Variants in UBE2H observed in about 807,000 individuals in gnomAD.
UBE2H encodes the protein ubiquitin-conjugating enzyme E2 H.
UBE2H carries 3 observed loss-of-function variants against 29.0 expected under a neutral mutation model. That is an observed-to-expected ratio of 0.10 (90% confidence interval 0.05 to 0.27). The LOEUF (loss-of-function observed/expected upper bound fraction) is 0.27, where lower values mean the gene tolerates loss of function less well. Among genes scored for constraint, UBE2H ranks in the 10% least tolerant of loss-of-function variants. The pLI is 1.00. For missense variants in UBE2H, 68 were observed against 228.2 expected (o/e 0.30, Z 4.52); for synonymous variants, 69 against 82.9 (o/e 0.83, Z 0.91).
At chr7:129,855,465 C>T (rs1005073223) in intron 5 of UBE2H, among the ~76,000 whole-genome samples, 4 of 152,178 alleles carry the variant, frequency 2.6e-5, no homozygotes, top group Non-Finnish European at 1.5e-5. Flanking sequence ...TAATCAAGCT[C>T]GGAGTGTATG....
intron 1 of UBE2H, among the ~76,000 whole-genome samples, chr7:129,915,877 T>C (rs1043204303): frequency 6.6e-6 from 1 of 152,212 alleles, no homozygotes; most frequent in Non-Finnish European, 1.5e-5. Context: ...GATCGTTCTT[T>C]CAATCATCAG....
At chr7:129,867,718 G>GAAAAAAAAAAAAAAAAAAA (rs1308277089) in intron 3 of UBE2H, among the ~76,000 whole-genome samples, 1 of 19,652 alleles carries the variant, frequency 5.1e-5, no homozygotes. Context: ...AAAAAAAAAA[G>GAAAAAAAAAAAAAAAAAAA]AAAACCAAAA....
chr7:129,892,195 C>CTAT (rs1458382624), intron 1 of UBE2H, among the ~76,000 whole-genome samples: 1 of 151,928 alleles, frequency 6.6e-6, no homozygotes, highest in East Asian at 1.9e-4. Context: ...GTGATCCGCC[C>CTAT]GCCTCGGCCT....
chr7:129,869,678 C>T (rs1314994544), intron 3 of UBE2H, among the ~76,000 whole-genome samples: 5 of 152,128 alleles, frequency 3.3e-5, no homozygotes, highest in Non-Finnish European at 5.9e-5. Context: ...TTCACTCACA[C>T]GAATATTCTT....
At chr7:129,898,312 C>T (rs1373781195) in intron 1 of UBE2H, among the ~76,000 whole-genome samples, 1 of 152,064 alleles carries the variant, frequency 6.6e-6, no homozygotes, top group Non-Finnish European at 1.5e-5. Flanking sequence ...AAATGATTAA[C>T]ATACAGTTAA....
chr7:129,861,723 C>T (rs1805806970), intron 3 of UBE2H, among the ~76,000 whole-genome samples: 1 of 152,176 alleles, frequency 6.6e-6, no homozygotes, highest in South Asian at 2.1e-4. Flanking sequence ...GAAACCCCAT[C>T]TGTAACGAAA....
rs780036460 is a variant in UBE2H at position 129,834,212 on chromosome 7, C to A, written c.*725G>T. 6.6e-6 allele frequency: 1 copy of A among 152,172 alleles called. No homozygotes were observed. The highest frequency in any genetic ancestry group is 1.5e-5 in the Non-Finnish European group (1 of 68,032). The allele number at this position is 152,172 out of a possible 1,614,324, so 9.4% of individuals were successfully genotyped here. On this transcript the variant is annotated 3_prime_UTR_variant, in exon 7 of 7. Transcript: ENST00000355621. ...AAACAGGTCTGGATTTCACGCTCTA[C>A]CCCAAGAAAAAGAACTGGTTCAGAA... is the stretch of plus-strand genomic sequence containing the variant.
chr7:129,852,394 G>A (rs960748970), intron 5 of UBE2H, among the ~76,000 whole-genome samples: 2 of 151,930 alleles, frequency 1.3e-5, no homozygotes, highest in South Asian at 2.1e-4. Context: ...GTGAACCCGG[G>A]AGGCGGAGCT....
chr7:129,867,044 ATC>A (rs1458758875), intron 3 of UBE2H, among the ~76,000 whole-genome samples: 3 of 152,242 alleles, frequency 2.0e-5, no homozygotes, highest in African/African-American at 7.2e-5. Flanking sequence ...CTATGTGTCC[ATC>A]TCTTAATGCT....
intron 1 of UBE2H, among the ~76,000 whole-genome samples, chr7:129,922,053 G>A (rs1285696903): frequency 6.6e-6 from 1 of 151,598 alleles, no homozygotes; most frequent in African/African-American, 2.4e-5. Flanking sequence ...GCACGATCTC[G>A]GCTCACTGCA....
At position 129,834,826 on chromosome 7, in the gene UBE2H, A is replaced by T; in HGVS notation, c.*111T>A. 1 of 1,307,930 alleles carries T rather than the reference A, an allele frequency of 7.6e-7. No homozygotes were observed. The highest frequency in any genetic ancestry group is 1.0e-6 in the Non-Finnish European group (1 of 964,136). The allele number at this position is 1,307,930 out of a possible 1,614,324, so 81.0% of individuals were successfully genotyped here. On this transcript the variant is annotated 3_prime_UTR_variant, in exon 7 of 7. Transcript: ENST00000355621. ...TATATATATCAATGCTATTATTCAT[A>T]AAAACCTTGTTTAGTAATAAAAAAA...
chr7:129,856,920 G>A (rs1371975768), intron 5 of UBE2H: 1 of 152,184 alleles, frequency 6.6e-6, no homozygotes, highest in East Asian at 1.9e-4. Context: ...TCCCCAACCA[G>A]GTGATAAGGA....
At chr7:129,903,791 A>C (rs1026223129) in intron 1 of UBE2H, among the ~76,000 whole-genome samples, 7 of 152,210 alleles carry the variant, frequency 4.6e-5, no homozygotes, top group African/African-American at 1.4e-4. Flanking sequence ...CTGTTATCCA[A>C]GCTACTGAGA....
At chr7:129,911,895 G>A (rs760955778) in intron 1 of UBE2H, among the ~76,000 whole-genome samples, 6 of 151,982 alleles carry the variant, frequency 3.9e-5, no homozygotes, top group African/African-American at 9.7e-5. Flanking sequence ...CTTCTGCCTC[G>A]GCTTCCCAAA....
chr7:129,853,204 G>T (rs1178396616), intron 5 of UBE2H, among the ~76,000 whole-genome samples: 2 of 152,152 alleles, frequency 1.3e-5, no homozygotes, highest in African/African-American at 4.8e-5. Flanking sequence ...AGTGCAGGGT[G>T]ATAAGCCAAC....
At chr7:129,890,254 T>C (rs1305989381) in intron 1 of UBE2H, among the ~76,000 whole-genome samples, 2 of 150,958 alleles carry the variant, frequency 1.3e-5, no homozygotes, top group Non-Finnish European at 1.5e-5. Context: ...CACGTATACA[T>C]ACACACGTAT....
At chr7:129,942,843 T>G (rs1807676025) in intron 1 of UBE2H, among the ~76,000 whole-genome samples, 1 of 150,542 alleles carries the variant, frequency 6.6e-6, no homozygotes, top group South Asian at 2.1e-4. Context: ...TGTAATGTGT[T>G]TTTTTTTTTG....
At chr7:129,844,921 G>A (rs1036811317) in intron 5 of UBE2H, among the ~76,000 whole-genome samples, 4 of 152,212 alleles carry the variant, frequency 2.6e-5, no homozygotes, top group Non-Finnish European at 4.4e-5. Flanking sequence ...CTGAGGTCAG[G>A]AGTTTCACAC....
At chr7:129,913,290 G>C (rs1027251074) in intron 1 of UBE2H, among the ~76,000 whole-genome samples, 1 of 149,390 alleles carries the variant, frequency 6.7e-6, no homozygotes, top group Middle Eastern at 3.3e-3. Context: ...CACAGAATTT[G>C]ACTATATAGG....
Sources: allele counts gnomAD v4.1 joint callset (sites outside exome capture counted in the v4.1 genomes callset), GRCh38; gene constraint gnomAD v4.1.1; transcripts MANE v1.5; gene names NCBI Gene and HGNC (gene_info 2026-07-23, HGNC 2026-07-21).